Variants in RCAN2 observed in about 807,000 individuals in gnomAD.
The protein encoded by RCAN2 is calcipressin-2.
RCAN2 carries 9 observed loss-of-function variants against 23.6 expected under a neutral mutation model. The ratio of observed to expected loss-of-function variants is 0.38; its 90% CI spans 0.23 to 0.67. RCAN2 has a LOEUF of 0.67. RCAN2 is among the 30% of genes least tolerant of loss of function. The probability of loss-of-function intolerance (pLI) is 0.51; values close to 1 mark genes in which losing one functional copy is unlikely to be tolerated. For missense variants in RCAN2, 273 were observed against 302.3 expected (o/e 0.90, Z 0.72); for synonymous variants, 109 against 115.7 (o/e 0.94, Z 0.37).
intron 1 of RCAN2, among the ~76,000 whole-genome samples, chr6:46,474,420 G>C (rs1364646736): frequency 6.6e-6 from 1 of 152,134 alleles, no homozygotes; most frequent in Non-Finnish European, 1.5e-5. Flanking sequence ...GTAAAGGCCA[G>C]CAATGAGGAA....
At chr6:46,421,285 G>A (rs184799550) in intron 2 of RCAN2, among the ~76,000 whole-genome samples, 261 of 152,288 alleles carry the variant, frequency 1.7e-3, no homozygotes, top group Non-Finnish European at 2.3e-3. Flanking sequence ...AACCCAGACA[G>A]GAGGTGGCAG....
chr6:46,343,077 A>G (rs978201723), intron 2 of RCAN2, among the ~76,000 whole-genome samples: 2 of 152,204 alleles, frequency 1.3e-5, no homozygotes, highest in African/African-American at 4.8e-5. Context: ...AAACTTCATG[A>G]TAACCACACC....
intron 2 of RCAN2, among the ~76,000 whole-genome samples, chr6:46,364,725 C>G (rs1039080810): frequency 6.6e-6 from 1 of 152,194 alleles, no homozygotes; most frequent in African/African-American, 2.4e-5. Context: ...GGTACCCCAG[C>G]AAAGGGTGCT....
At chr6:46,303,013 C>T (rs1377722921) in intron 2 of RCAN2, among the ~76,000 whole-genome samples, 1 of 151,918 alleles carries the variant, frequency 6.6e-6, no homozygotes, top group East Asian at 1.9e-4. Flanking sequence ...TTTTCTCTGA[C>T]ATGGCAGGAA....
intron 2 of RCAN2, among the ~76,000 whole-genome samples, chr6:46,317,775 T>C (rs886415455): frequency 6.6e-6 from 1 of 152,210 alleles, no homozygotes; most frequent in African/African-American, 2.4e-5. Flanking sequence ...TATACCCCAA[T>C]AATTGATTAA....
intron 2 of RCAN2, among the ~76,000 whole-genome samples, chr6:46,327,880 C>G (rs2150365313): frequency 6.6e-6 from 1 of 152,310 alleles, no homozygotes; most frequent in East Asian, 1.9e-4. Flanking sequence ...ACGGGCTGTT[C>G]CAGCACATCA....
chr6:46,419,738 G>A (rs188105084), intron 2 of RCAN2, among the ~76,000 whole-genome samples: 1 of 152,152 alleles, frequency 6.6e-6, no homozygotes, highest in Non-Finnish European at 1.5e-5. Flanking sequence ...ATGAAGACCA[G>A]CAGATGGCAG....
At chr6:46,423,503 C>T (rs1431018824) in intron 2 of RCAN2, among the ~76,000 whole-genome samples, 2 of 152,224 alleles carry the variant, frequency 1.3e-5, no homozygotes, top group African/African-American at 2.4e-5. Context: ...CTTTCCTCTT[C>T]CTTGGTATAA....
chr6:46,248,843 T>C lies in RCAN2; in HGVS notation c.279A>G (p.Leu93=), dbSNP rs776671267. 2 of 1,612,990 alleles carry C rather than the reference T, an allele frequency of 1.2e-6. No homozygotes were observed. The highest frequency in any genetic ancestry group is 1.3e-5 in the African/African-American group (1 of 74,688). The change falls in exon 3 of 5, where the codon CTA becomes CTG. Residue 93 remains leucine (L), a synonymous_variant. Transcript: ENST00000371374. ...RTYDDCVTFQ[L]FKSFRRVRIN... ...TACGGACACGTCTGAAACTCTTAAA[T>C]AGCTGGAACGTCACACAGTCATCAT... is the stretch of plus-strand genomic sequence containing the variant.
chr6:46,248,755 T>C lies in RCAN2; in HGVS notation c.367A>G (p.Arg123Gly). The C allele has an allele frequency of 6.2e-7, 1 of 1,611,634 alleles. No homozygotes were observed. The highest frequency in any genetic ancestry group is 8.5e-7 in the Non-Finnish European group (1 of 1,179,194). Residue 123 changes from arginine to glycine, a missense_variant, in exon 3 of 5, where the codon AGA becomes GGA. By Grantham distance (125) the Arg-to-Gly change is moderately radical. Coordinates refer to ENST00000371374, the MANE Select transcript of RCAN2 (RefSeq NM_001251974.2). ...ARIELHETQF[R>G]GKKLKLYFAQ... ...AAGTAGAGCTTTAATTTTTTCCCTCTGAATTGGGTTTCATGAAGCTCTATC... is the reference window on the plus strand; with the variant it reads ...AAGTAGAGCTTTAATTTTTTCCCTCCGAATTGGGTTTCATGAAGCTCTATC...
intron 2 of RCAN2, among the ~76,000 whole-genome samples, chr6:46,299,215 T>G (rs1270999491): frequency 2.6e-5 from 4 of 151,968 alleles, no homozygotes; most frequent in African/African-American, 9.7e-5. Flanking sequence ...GTATACCCCA[T>G]GAAACTCAAA....
At chr6:46,370,558 C>T (rs183676296) in intron 2 of RCAN2, among the ~76,000 whole-genome samples, 60 of 152,262 alleles carry the variant, frequency 3.9e-4, no homozygotes, top group African/African-American at 1.4e-3. Flanking sequence ...TGCTTCCTCC[C>T]GGTAGATATC....
intron 2 of RCAN2, among the ~76,000 whole-genome samples, chr6:46,420,995 G>A (rs1174626994): frequency 6.6e-6 from 1 of 152,228 alleles, no homozygotes; most frequent in East Asian, 1.9e-4. Context: ...CTGGTTACAG[G>A]AGCTCATAGA....
chr6:46,412,522 G>T (rs1009503839), intron 2 of RCAN2, among the ~76,000 whole-genome samples: 1 of 152,044 alleles, frequency 6.6e-6, no homozygotes, highest in Non-Finnish European at 1.5e-5. Flanking sequence ...CTTCTCCAAG[G>T]GGCACTCCAA....
intron 1 of RCAN2, among the ~76,000 whole-genome samples, chr6:46,486,207 T>C (rs1267954648): frequency 6.6e-6 from 1 of 152,226 alleles, no homozygotes; most frequent in Non-Finnish European, 1.5e-5. Context: ...GAACCGGCAC[T>C]GAGTGGCTTA....
intron 4 of RCAN2, among the ~76,000 whole-genome samples, chr6:46,227,234 T>G (rs1334960054): frequency 6.6e-5 from 10 of 152,226 alleles, no homozygotes; most frequent in Admixed American, 6.5e-4. Context: ...TCAGGGATAT[T>G]GGTCTAAAAT....
chr6:46,375,996 T>C (rs1003838086), intron 2 of RCAN2, among the ~76,000 whole-genome samples: 2 of 152,262 alleles, frequency 1.3e-5, no homozygotes, highest in Non-Finnish European at 2.9e-5. Context: ...TCAACGCATC[T>C]CTGAGTTCCT....
chr6:46,312,603 A>G (rs1763298976), intron 2 of RCAN2, among the ~76,000 whole-genome samples: 1 of 152,200 alleles, frequency 6.6e-6, no homozygotes, highest in Non-Finnish European at 1.5e-5. Flanking sequence ...TAGTGCCAAC[A>G]AATATGCCTG....
At chr6:46,319,465 A>G (rs1361885001) in intron 2 of RCAN2, among the ~76,000 whole-genome samples, 1 of 152,212 alleles carries the variant, frequency 6.6e-6, no homozygotes, top group Non-Finnish European at 1.5e-5. Context: ...AATGTCTGTT[A>G]CTTCTCAACA....
Sources: allele counts gnomAD v4.1 joint callset (sites outside exome capture counted in the v4.1 genomes callset), GRCh38; gene constraint gnomAD v4.1.1; transcripts MANE v1.5; gene names NCBI Gene and HGNC (gene_info 2026-07-23, HGNC 2026-07-21).